The following AGMO variants were observed in gnomAD, a reference collection of about 807,000 sequenced individuals.
AGMO encodes the protein alkylglycerol monooxygenase.
In AGMO, 75 loss-of-function variants were observed where a neutral mutation model predicts 60.2. The ratio of observed to expected loss-of-function variants is 1.25; its 90% CI spans 1.03 to 1.51. The LOEUF (loss-of-function observed/expected upper bound fraction) is 1.51. AGMO is among the 40% of genes most tolerant of loss of function. AGMO has a pLI of 0.00. For synonymous variants in AGMO, 261 were observed against 177.1 expected (o/e 1.47, Z -3.76); for missense variants, 763 against 525.5 (o/e 1.45, Z -4.42).
At chr7:15,529,605 AGAG>A in intron 3 of AGMO, among the ~76,000 whole-genome samples, 2 of 38,120 alleles carry the variant, frequency 5.2e-5, no homozygotes, top group African/African-American at 2.3e-4. Context: ...CTCTATATAT[AGAG>A]TATATATATA....
intron 5 of AGMO, among the ~76,000 whole-genome samples, chr7:15,404,199 T>C (rs1413048198): frequency 6.6e-6 from 1 of 151,940 alleles, no homozygotes; most frequent in Non-Finnish European, 1.5e-5. Flanking sequence ...TTAGTTTTAA[T>C]GAAGAATGGG....
chr7:15,343,756 G>C (rs1781938385), intron 12 of AGMO, among the ~76,000 whole-genome samples: 1 of 152,084 alleles, frequency 6.6e-6, no homozygotes, highest in East Asian at 1.9e-4. Context: ...ATTGTATTTG[G>C]TGTTAGTGTC....
chr7:15,291,121 A>G (rs531039798), intron 12 of AGMO, among the ~76,000 whole-genome samples: 9 of 152,224 alleles, frequency 5.9e-5, no homozygotes, highest in African/African-American at 2.2e-4. Context: ...GATATTTACA[A>G]TTTCCCTTAA....
the AGMO span, among the ~76,000 whole-genome samples, chr7:15,192,786 C>G: frequency 6.6e-6 from 1 of 152,124 alleles, no homozygotes; most frequent in African/African-American, 2.4e-5. Flanking sequence ...GTTCCCCCTC[C>G]CATAAGGAGT....
intron 5 of AGMO, among the ~76,000 whole-genome samples, chr7:15,412,170 T>C (rs1009532963): frequency 1.3e-5 from 2 of 152,202 alleles, no homozygotes; most frequent in Non-Finnish European, 2.9e-5. Context: ...TTATGCTTTC[T>C]CATTTTGCAC....
chr7:15,220,527 C>A, intron 12 of AGMO, among the ~76,000 whole-genome samples: 1 of 151,668 alleles, frequency 6.6e-6, no homozygotes, highest in East Asian at 1.9e-4. Flanking sequence ...CCTGACTGTG[C>A]TTTAAGGCCT....
intron 5 of AGMO, among the ~76,000 whole-genome samples, chr7:15,397,004 G>C (rs1297158819): frequency 6.6e-6 from 1 of 152,112 alleles, no homozygotes; most frequent in Admixed American, 6.5e-5. Context: ...GTGCTGATTG[G>C]TGCGTTTACA....
chr7:15,152,103 T>G, the AGMO span, among the ~76,000 whole-genome samples: 1 of 152,192 alleles, frequency 6.6e-6, no homozygotes, highest in African/African-American at 2.4e-5. Flanking sequence ...GATAGTTAAA[T>G]CTTCTTTTGA....
chr7:15,368,171 C>A (rs1307335694), intron 10 of AGMO, among the ~76,000 whole-genome samples: 1 of 151,022 alleles, frequency 6.6e-6, no homozygotes, highest in African/African-American at 2.4e-5. Flanking sequence ...GTATTAGATA[C>A]AGGATGGGTG....
intron 12 of AGMO, among the ~76,000 whole-genome samples, chr7:15,221,128 C>A (rs1781907668): frequency 1.3e-5 from 2 of 152,046 alleles, no homozygotes; most frequent in African/African-American, 4.8e-5. Context: ...CAGTATGCCT[C>A]CTTGGTAGTG....
rs1278553257 is a variant in AGMO, at chr7:15,247,986, G to A, written c.1264-46627C>T. On this transcript the variant is annotated intron_variant, in intron 12 of 12. Transcript: ENST00000342526. ...TCAAACAAAGCCTCTTAGAGAAACT[G>A]AAGTAAGTGAAGTCTTAAAAAGAAG... is the stretch of plus-strand genomic sequence containing the variant. Among the ~76,000 whole-genome samples, 3 of 151,124 alleles carry A rather than the reference G, an allele frequency of 2.0e-5. No homozygotes were observed. In the East Asian group the frequency reaches 6.0e-4, roughly 30 times the overall value.
chr7:15,292,106 A>T (rs1238827819), intron 12 of AGMO, among the ~76,000 whole-genome samples: 1 of 152,160 alleles, frequency 6.6e-6, no homozygotes, highest in Non-Finnish European at 1.5e-5. Flanking sequence ...GTGAGGTGGG[A>T]GGGATGAGAA....
At position 15,372,587 on chromosome 7, in the gene AGMO, C is replaced by A. The variant is rs552562516; in HGVS notation, c.1075-6365G>T. ...ATCCCTGCCCTTGAATTCATACCAC[C>A]TTAGTATTTGCCCGTAAGACCACTG... On this transcript the variant is annotated intron_variant, in intron 10 of 12. Coordinates refer to ENST00000342526, the MANE Select transcript of AGMO (RefSeq NM_001004320.2). 4.6e-5 allele frequency among the ~76,000 whole-genome samples: 7 copies of A among 152,184 alleles called. No individual in the cohort carries two copies. The South Asian group carries it at 1.5e-3, about 32-fold the overall frequency.
chr7:15,126,908 C>G, the AGMO span, among the ~76,000 whole-genome samples: 1 of 152,116 alleles, frequency 6.6e-6, no homozygotes, highest in Admixed American at 6.6e-5. Context: ...AGTCTGCTAT[C>G]TGAGAGCTTC....
intron 12 of AGMO, among the ~76,000 whole-genome samples, chr7:15,256,923 C>G (rs1483752864): frequency 1.3e-5 from 2 of 151,980 alleles, no homozygotes; most frequent in African/African-American, 4.8e-5. Flanking sequence ...ACAGAGATAC[C>G]AGAGAAAATA....
intron 2 of AGMO, among the ~76,000 whole-genome samples, chr7:15,559,035 C>T (rs1027820182): frequency 1.3e-5 from 2 of 152,054 alleles, no homozygotes; most frequent in African/African-American, 4.8e-5. Flanking sequence ...TTGGTAAGCC[C>T]TCACGTGTTG....
rs143877422 is a variant in AGMO at position 15,388,684 on chromosome 7, C to T, written c.823-1144G>A. Among the ~76,000 whole-genome samples, 40 of 152,258 alleles carry T rather than the reference C, an allele frequency of 2.6e-4. No homozygotes were observed. In the East Asian group the frequency reaches 6.2e-3, roughly 24 times the overall value. The stretch of plus-strand genomic sequence containing the variant: ...ATAATAAGGAAAACAAACAAACAAA[C>T]AAAACCCTGTGTCTGTTGGGAGCCA... On this transcript the variant is annotated intron_variant, in intron 8 of 12. Transcript: ENST00000342526.
intron 2 of AGMO, among the ~76,000 whole-genome samples, chr7:15,558,073 T>C (rs1339593884): frequency 6.6e-6 from 1 of 151,914 alleles, no homozygotes; most frequent in Non-Finnish European, 1.5e-5. Flanking sequence ...TAAAAATATC[T>C]CTTTTATTCT....
intron 12 of AGMO, among the ~76,000 whole-genome samples, chr7:15,295,693 C>G (rs1784388587): frequency 6.6e-6 from 1 of 151,882 alleles, no homozygotes; most frequent in Admixed American, 6.6e-5. Context: ...TAATTCTTTC[C>G]AAAAGCAAAG....
Sources: allele counts gnomAD v4.1 joint callset (sites outside exome capture counted in the v4.1 genomes callset), GRCh38; gene constraint gnomAD v4.1.1; transcripts MANE v1.5; gene names NCBI Gene and HGNC (gene_info 2026-07-23, HGNC 2026-07-21).